CD109: variants seen among roughly 807,000 people sequenced by gnomAD.
The protein encoded by CD109 is CD109 molecule, also known as CD109 antigen.
Under a neutral mutation model 165.8 loss-of-function variants are expected in CD109, and 149 were observed. The ratio of observed to expected loss-of-function variants is 0.90; its 90% CI spans 0.79 to 1.03. CD109 has a LOEUF of 1.03. Among genes scored for constraint, CD109 ranks in the 50% least tolerant of loss-of-function variants. The pLI, the probability that CD109 is intolerant of heterozygous loss-of-function variation, is 0.00. For synonymous variants in CD109, 585 were observed against 592.1 expected, an observed-to-expected ratio of 0.99 and a Z score of 0.18; for missense variants, 1,712 against 1,677.8, an observed-to-expected ratio of 1.02 and a Z score of -0.36.
intron 13 of CD109, among the ~76,000 whole-genome samples, chr6:73,767,279 T>C (rs768390917): frequency 1.3e-5 from 2 of 152,202 alleles, no homozygotes; most frequent in Non-Finnish European, 2.9e-5. Context: ...CATCATTTAG[T>C]GTGCACTTAT....
chr6:73,812,018 TTTTCC>T (rs546757549), intron 28 of CD109, among the ~76,000 whole-genome samples, 182 bp from the exon 29 acceptor site: 118 of 152,270 alleles, frequency 7.7e-4, no homozygotes, highest in Non-Finnish European at 1.2e-3. Flanking sequence ...GAGTGTGCAC[TTTTCC>T]TTTCATCACC....
At chr6:73,712,700 C>A (rs1771583830) in intron 2 of CD109, among the ~76,000 whole-genome samples, 1 of 152,162 alleles carries the variant, frequency 6.6e-6, no homozygotes, top group Non-Finnish European at 1.5e-5. Flanking sequence ...AATCAAATGG[C>A]CAGTTCTCAG....
chr6:73,714,639 G>A (rs1771657710), intron 2 of CD109, among the ~76,000 whole-genome samples: 1 of 152,246 alleles, frequency 6.6e-6, no homozygotes, highest in East Asian at 1.9e-4. Flanking sequence ...AAACTGTGTA[G>A]TGTGAAGAAT....
chr6:73,766,275 C>A, intron 11 of CD109, 121 bp downstream of exon 11: 1 of 771,620 alleles, frequency 1.3e-6, no homozygotes. Context: ...GTTTCTGTTT[C>A]ACAAAATGGA....
At chr6:73,714,236 C>T (rs1418010085) in intron 2 of CD109, among the ~76,000 whole-genome samples, 1 of 152,168 alleles carries the variant, frequency 6.6e-6, no homozygotes, top group Non-Finnish European at 1.5e-5. Flanking sequence ...GAGTGTTGTG[C>T]CCGACTGCCT....
chr6:73,813,743 G>A (rs1043505426), intron 29 of CD109, among the ~76,000 whole-genome samples: 3 of 152,104 alleles, frequency 2.0e-5, no homozygotes, highest in Non-Finnish European at 4.4e-5. Context: ...CCCTGAGTGA[G>A]CAGTTGAGCT....
intron 5 of CD109, among the ~76,000 whole-genome samples, chr6:73,749,286 C>T (rs140128194): frequency 4.1e-4 from 63 of 152,258 alleles, no homozygotes; most frequent in African/African-American, 1.4e-3. Context: ...TGTGGGTCTC[C>T]GTTTCCTCAG....
rs185615644 is a variant in CD109 at position 73,819,466 on chromosome 6, G to T, written c.4059+931G>T. ...CTATATGAGCTTCATAGGTTGAACT[G>T]ATATTGAGTTCATAGTATTCTAAGG... is the stretch of plus-strand genomic sequence containing the variant. On this transcript the variant is annotated intron_variant, in intron 31 of 32. Coordinates refer to ENST00000287097, the MANE Select transcript of CD109 (RefSeq NM_133493.5). Among the ~76,000 whole-genome samples the T allele has an allele frequency of 5.0e-4, 76 of 152,322 alleles. 1 individual carries two copies. Among genetic ancestry groups the T allele is most frequent in the African/African-American group, 1.7e-3 (71 of 41,576 alleles).
At chr6:73,686,398 G>T in the CD109 span, among the ~76,000 whole-genome samples, 1 of 152,312 alleles carries the variant, frequency 6.6e-6, no homozygotes, top group South Asian at 2.1e-4. Flanking sequence ...TAATACATCT[G>T]TGTGATGTTT....
chr6:73,802,255 ATATGTGTGTGTG>A (rs1402172578), intron 23 of CD109, among the ~76,000 whole-genome samples: 1 of 118,268 alleles, frequency 8.5e-6, no homozygotes, highest in African/African-American at 3.5e-5. Flanking sequence ...GAGCATGTGT[ATATGTGTGTGTG>A]TGTGTGTGTG....
intron 24 of CD109, among the ~76,000 whole-genome samples, chr6:73,804,528 C>G (rs1481105520): frequency 3.3e-5 from 5 of 152,110 alleles, no homozygotes; most frequent in Non-Finnish European, 5.9e-5. Flanking sequence ...AAAACCCGCT[C>G]TTAGGTGGTG....
intron 2 of CD109, among the ~76,000 whole-genome samples, chr6:73,703,101 G>T (rs1771140817): frequency 1.3e-5 from 2 of 152,216 alleles, no homozygotes; most frequent in African/African-American, 4.8e-5. Flanking sequence ...AAAGAGAGAA[G>T]AATTAGTTTT....
intron 3 of CD109, among the ~76,000 whole-genome samples, chr6:73,725,415 G>A (rs188450472): frequency 6.6e-6 from 1 of 152,086 alleles, no homozygotes; most frequent in African/African-American, 2.4e-5. Context: ...GAGAAGGCGG[G>A]GCAAGGGCAT....
rs147322728 is a variant in CD109, at chr6:73,775,078, A to G, written c.1827+3497A>G. Reference sequence around the variant, plus strand: ...CGTTAGCCTATGCTGCAGCTTTGACAGTGCTTTGTTTATTGAGCCAGTGAG... The same window carrying G: ...CGTTAGCCTATGCTGCAGCTTTGACGGTGCTTTGTTTATTGAGCCAGTGAG... On this transcript the variant is annotated intron_variant, in intron 15 of 32. Transcript: ENST00000287097. 1.1e-3 allele frequency among the ~76,000 whole-genome samples: 166 copies of G among 152,174 alleles called. 1 individual carries two copies. The highest frequency in any genetic ancestry group is 3.9e-3 in the African/African-American group (160 of 41,518).
chr6:73,759,163 A>T (rs1429423580), intron 7 of CD109, 135 bp downstream of exon 7: 1 of 619,700 alleles, frequency 1.6e-6, no homozygotes, highest in Non-Finnish European at 2.8e-6. Context: ...ATGACTATTT[A>T]TAATAAATAA....
chr6:73,688,761 G>GTT, the CD109 span, among the ~76,000 whole-genome samples: 7,158 of 73,418 alleles, frequency 0.097, 1,766 homozygotes, highest in African/African-American at 0.17. Context: ...GTTTTTCTTT[G>GTT]TTTTTTTTTT....
chr6:73,769,961 T>G (rs1179394960), intron 14 of CD109, among the ~76,000 whole-genome samples: 1 of 152,228 alleles, frequency 6.6e-6, no homozygotes, highest in Non-Finnish European at 1.5e-5. Context: ...AGAGAGATGA[T>G]AAACTCAACT....
upstream of CD109, chr6:73,696,085 G>A (rs1770814176): frequency 2.4e-6 from 2 of 820,318 alleles, no homozygotes; most frequent in Non-Finnish European, 3.9e-6. Flanking sequence ...CTGCTGTTAG[G>A]CGCGCCCATT....
chr6:73,825,058 T>C lies in CD109; in HGVS notation c.*1425T>C, dbSNP rs1326043504. The C allele has an allele frequency of 2.0e-5, 3 of 152,220 alleles. No homozygotes were observed. Among genetic ancestry groups the C allele is most frequent in the Non-Finnish European group, 2.9e-5 (2 of 68,044 alleles). 9.4% of individuals were successfully genotyped at this position (152,220 alleles called of 1,614,324 possible). ...CCATCAAAAATAAAGTATGCAAATG[T>C]ATCTTTTAAAGTTAATTTTTAAAAA... is the stretch of plus-strand genomic sequence containing the variant. On this transcript the variant is annotated 3_prime_UTR_variant, in exon 33 of 33. Coordinates refer to ENST00000287097, the MANE Select transcript of CD109 (RefSeq NM_133493.5).
Sources: gnomAD v4.1 joint callset for allele counts (sites outside exome capture counted in the v4.1 genomes callset) on GRCh38, gnomAD v4.1.1 for gene constraint, MANE v1.5 for transcripts, NCBI Gene and HGNC (gene_info 2026-07-23, HGNC 2026-07-21) for gene names.